Variants in ADAMTS3 observed in about 807,000 individuals in gnomAD.
The protein encoded by ADAMTS3 is A disintegrin and metalloproteinase with thrombospondin motifs 3.
ADAMTS3 carries 73 observed loss-of-function variants against 129.0 expected under a neutral mutation model. The ratio of observed to expected loss-of-function variants is 0.57; its 90% CI spans 0.47 to 0.69. The LOEUF (loss-of-function observed/expected upper bound fraction) is 0.69. Among genes scored for constraint, ADAMTS3 ranks in the 30% least tolerant of loss-of-function variants. The pLI is 0.00. For synonymous variants in ADAMTS3, 477 were observed against 510.8 expected (o/e 0.93, Z 0.89); for missense variants, 1,457 against 1,514.5 (o/e 0.96, Z 0.63).
intron 3 of ADAMTS3, among the ~76,000 whole-genome samples, chr4:72,433,194 G>C (rs1266352314): frequency 6.6e-6 from 1 of 151,958 alleles, no homozygotes; most frequent in Non-Finnish European, 1.5e-5. Context: ...CTGCCTGCAA[G>C]TAACATTAAG....
At chr4:72,389,017 C>G (rs934288594) in intron 4 of ADAMTS3, among the ~76,000 whole-genome samples, 1 of 152,172 alleles carries the variant, frequency 6.6e-6, no homozygotes, top group African/African-American at 2.4e-5. Context: ...ACGTAGCCAT[C>G]CTCGGCCTAG....
chr4:72,554,270 A>T (rs2109796842), intron 2 of ADAMTS3, among the ~76,000 whole-genome samples: 1 of 152,280 alleles, frequency 6.6e-6, no homozygotes. Flanking sequence ...ATACTTAGAA[A>T]TTTTTTACTT....
chr4:72,286,754 G>T (rs1718516110), intron 21 of ADAMTS3, among the ~76,000 whole-genome samples: 1 of 152,062 alleles, frequency 6.6e-6, no homozygotes, highest in African/African-American at 2.4e-5. Context: ...GGGGATGGGT[G>T]GGCTAGGAAA....
intron 3 of ADAMTS3, among the ~76,000 whole-genome samples, chr4:72,490,439 A>T (rs1276332962): frequency 6.6e-6 from 1 of 151,884 alleles, no homozygotes; most frequent in East Asian, 1.9e-4. Context: ...TAATGTCATG[A>T]AGCTTTTTTC....
chr4:72,407,270 T>TA (rs893722101), intron 4 of ADAMTS3, among the ~76,000 whole-genome samples: 59 of 151,862 alleles, frequency 3.9e-4, no homozygotes, highest in African/African-American at 8.9e-4. Flanking sequence ...ATGATGAAAT[T>TA]AAAAAAAATG....
At chr4:72,400,169 A>C (rs867826050) in intron 4 of ADAMTS3, among the ~76,000 whole-genome samples, 5 of 144,640 alleles carry the variant, frequency 3.5e-5, no homozygotes, top group Non-Finnish European at 6.2e-5. Context: ...ATGTGTGTAT[A>C]TATGCACACA....
At chr4:72,521,729 T>C (rs1345699086) in intron 3 of ADAMTS3, among the ~76,000 whole-genome samples, 2 of 152,138 alleles carry the variant, frequency 1.3e-5, no homozygotes, top group Admixed American at 1.3e-4. Flanking sequence ...TTGTCAATAA[T>C]AACCTCTAAT....
intron 4 of ADAMTS3, among the ~76,000 whole-genome samples, chr4:72,398,237 G>A (rs1439284824): frequency 6.6e-6 from 1 of 152,024 alleles, no homozygotes; most frequent in Non-Finnish European, 1.5e-5. Context: ...ATGTTCTTTA[G>A]AGAAATGTGG....
chr4:72,323,539 T>G (rs972561785), intron 5 of ADAMTS3, among the ~76,000 whole-genome samples: 5 of 152,090 alleles, frequency 3.3e-5, no homozygotes, highest in Non-Finnish European at 7.4e-5. Flanking sequence ...TACGTCTGGT[T>G]GAGAGAGCCA....
rs1578545971 is a variant in ADAMTS3 at position 72,281,870 on chromosome 4, C to T, written c.*1266G>A. ...CAGTTCTGAATTCTATGTACAAGTA[C>T]TTTACATCTACTCCCTGGAGAGAGC... On this transcript the variant is annotated 3_prime_UTR_variant, in exon 22 of 22. Coordinates refer to ENST00000286657, the MANE Select transcript of ADAMTS3 (RefSeq NM_014243.3). 1 of 152,124 alleles carries T rather than the reference C, an allele frequency of 6.6e-6. No individual in the cohort carries two copies. Among genetic ancestry groups the T allele is most frequent in the South Asian group, 2.1e-4 (1 of 4,820 alleles). 9.4% of individuals were successfully genotyped at this position (152,124 alleles called of 1,614,324 possible).
At chr4:72,322,199 T>C (rs1473451602) in intron 6 of ADAMTS3, among the ~76,000 whole-genome samples, 2 of 152,186 alleles carry the variant, frequency 1.3e-5, no homozygotes, top group Non-Finnish European at 1.5e-5. Flanking sequence ...TAAAATAGAT[T>C]GATGACACTC....
chr4:72,554,925 G>A (rs1338670107), intron 2 of ADAMTS3, among the ~76,000 whole-genome samples: 6 of 151,796 alleles, frequency 4.0e-5, no homozygotes, highest in African/African-American at 1.5e-4. Flanking sequence ...ACGGGTAATA[G>A]TATTGACTTC....
At chr4:72,347,774 C>A (rs540518346) in intron 4 of ADAMTS3, among the ~76,000 whole-genome samples, 2 of 151,954 alleles carry the variant, frequency 1.3e-5, no homozygotes, top group African/African-American at 4.8e-5. Flanking sequence ...GAAGAGGTCA[C>A]CACACCCAAT....
At chr4:72,517,531 T>C (rs1720523832) in intron 3 of ADAMTS3, among the ~76,000 whole-genome samples, 2 of 152,224 alleles carry the variant, frequency 1.3e-5, no homozygotes, top group South Asian at 4.1e-4. Context: ...ATTGGTCTAT[T>C]CAGAGATTCA....
intron 3 of ADAMTS3, among the ~76,000 whole-genome samples, chr4:72,464,082 C>T (rs1259916247): frequency 6.6e-6 from 1 of 152,210 alleles, no homozygotes; most frequent in East Asian, 1.9e-4. Flanking sequence ...AGTTCAAACA[C>T]TACCACCTTT....
chr4:72,546,143 T>C (rs971642200), intron 3 of ADAMTS3, among the ~76,000 whole-genome samples: 1 of 152,198 alleles, frequency 6.6e-6, no homozygotes, highest in Non-Finnish European at 1.5e-5. Context: ...AAAGACTTCA[T>C]TTAGTCCTGC....
At chr4:72,478,287 T>G (rs1322617534) in intron 3 of ADAMTS3, among the ~76,000 whole-genome samples, 1 of 151,536 alleles carries the variant, frequency 6.6e-6, no homozygotes, top group African/African-American at 2.4e-5. Context: ...GATGCAAAAA[T>G]CCTCAATAAA....
rs771401796 is a variant in ADAMTS3 at position 72,304,019 on chromosome 4, C to T, written c.2322G>A (p.Ser774=). 7.7e-5 allele frequency: 125 copies of T among 1,613,584 alleles called. No individual in the cohort carries two copies. The Admixed American group carries it at 1.4e-3, about 18-fold the overall frequency. ...ILNGKGEEAK[S]RTFIDLGVEW... is the part of the protein sequence containing the mutation. ...CCACACCAAGATCTATGAAGGTCCGCGACTTGGCTTCCTCCCCTTTGCCAT... is the reference window on the plus strand; with the variant it reads ...CCACACCAAGATCTATGAAGGTCCGTGACTTGGCTTCCTCCCCTTTGCCAT... Residue 774 remains serine (S), a synonymous_variant, in exon 17 of 22, where the codon TCG becomes TCA. Coordinates refer to ENST00000286657, the MANE Select transcript of ADAMTS3 (RefSeq NM_014243.3).
At chr4:72,394,685 T>G (rs1721681903) in intron 4 of ADAMTS3, among the ~76,000 whole-genome samples, 1 of 152,206 alleles carries the variant, frequency 6.6e-6, no homozygotes, top group Non-Finnish European at 1.5e-5. Flanking sequence ...AAAGAAGTCA[T>G]ACTGAAGCAT....
Sources: allele counts gnomAD v4.1 joint callset (sites outside exome capture counted in the v4.1 genomes callset), GRCh38; gene constraint gnomAD v4.1.1; transcripts MANE v1.5; gene names NCBI Gene and HGNC (gene_info 2026-07-23, HGNC 2026-07-21).